Variants in UNC13B observed in about 807,000 individuals in gnomAD.
UNC13B encodes unc-13 homolog B, also known as protein unc-13 homolog B.
A neutral mutation model predicts 211.0 loss-of-function variants in UNC13B; 144 were observed. The ratio of observed to expected loss-of-function variants is 0.68; its 90% CI spans 0.60 to 0.78. The LOEUF is 0.78. Among genes scored for constraint, UNC13B ranks in the 30% least tolerant of loss-of-function variants. The probability of loss-of-function intolerance (pLI) is 0.00; values close to 1 mark genes in which losing one functional copy is unlikely to be tolerated. For synonymous variants in UNC13B, 709 were observed against 725.8 expected (o/e 0.98, Z 0.37); for missense variants, 1,777 against 2,002.0 (o/e 0.89, Z 2.14).
Position 35,381,637 on chromosome 9 carries a change from G to A in UNC13B, c.10573G>A (p.Val3525Met), listed in dbSNP as rs1214492011. ...AGCTCGAGGAGACGATGCCTGGAAG[G>A]TGTACTTTGATGAGACAGCCCAAGA... ...PEARGDDAWKVYFDETAQEIV... is the reference protein window; with the variant it reads ...PEARGDDAWKMYFDETAQEIV... The change falls in exon 20 of 40, where the codon GTG (valine) becomes ATG (methionine). Residue 3525 changes from valine to methionine, a missense_variant. Val to Met is a conservative substitution (Grantham distance 21, BLOSUM62 1). Coordinates refer to ENST00000635942, the MANE Select transcript of UNC13B (RefSeq NM_001371189.2). The A allele has an allele frequency of 1.2e-6, 2 of 1,614,256 alleles. No individual in the cohort carries two copies. The highest frequency in any genetic ancestry group is 1.7e-6 in the Non-Finnish European group (2 of 1,180,036).
intron 11 of UNC13B, chr9:35,364,706 G>T: frequency 9.8e-7 from 1 of 1,025,562 alleles, no homozygotes; most frequent in Non-Finnish European, 1.4e-6. Flanking sequence ...CTGAGCTTTG[G>T]CTCATGCAGT....
intron 1 of UNC13B, among the ~76,000 whole-genome samples, chr9:35,223,724 T>A (rs983676772): frequency 2.6e-5 from 4 of 152,144 alleles, no homozygotes; most frequent in African/African-American, 4.8e-5. Flanking sequence ...GCATTTGAAG[T>A]CTTAGCCATA....
intron 1 of UNC13B, among the ~76,000 whole-genome samples, chr9:35,166,092 TAAATGCA>T (rs1821024375): frequency 6.6e-6 from 1 of 152,060 alleles, no homozygotes; most frequent in African/African-American, 2.4e-5. Context: ...CCAAAAGTAA[TAAATGCA>T]GGCCAGTCGT....
chr9:35,182,270 A>C (rs531844669), intron 1 of UNC13B, among the ~76,000 whole-genome samples: 1 of 151,828 alleles, frequency 6.6e-6, no homozygotes, highest in East Asian at 1.9e-4. Flanking sequence ...ACTTTTTCTC[A>C]TGTTTAACTT....
At position 35,305,640 on chromosome 9, in the gene UNC13B, A is replaced by G. The variant is rs148338890; in HGVS notation, c.6236A>G (p.His2079Arg). ...GAAAAAGAGGTACCATTCAGAGACC[A>G]TCTAATCCAGCAGTCACCTAATTCA... Reference protein sequence around the residue: ...LTEKEVPFRDHLIQQSPNSSF... With the variant: ...LTEKEVPFRDRLIQQSPNSSF... The change falls in exon 9 of 40, where the codon CAT (histidine) becomes CGT (arginine). Residue 2079 changes from histidine to arginine, a missense_variant. Physicochemically the swap from His to Arg is conservative, Grantham distance 29 (BLOSUM62 0). Coordinates refer to ENST00000635942, the MANE Select transcript of UNC13B (RefSeq NM_001371189.2). 2.5e-6 allele frequency: 1 copy of G among 399,046 alleles called. No individual in the cohort carries two copies. The highest frequency in any genetic ancestry group is 2.1e-5 in the African/African-American group (1 of 48,768). The allele number at this position is 399,046 out of a possible 1,614,324, so 24.7% of individuals were successfully genotyped here.
intron 26 of UNC13B, 29 bp from the exon 27 acceptor site, chr9:35,396,447 C>T: frequency 6.2e-7 from 1 of 1,613,576 alleles, no homozygotes; most frequent in Non-Finnish European, 8.5e-7. Context: ...ACTGCTGGGA[C>T]CTGACCCAAC....
intron 1 of UNC13B, among the ~76,000 whole-genome samples, chr9:35,224,116 T>C (rs1236477475): frequency 5.9e-5 from 9 of 152,224 alleles, no homozygotes; most frequent in Non-Finnish European, 1.0e-4. Flanking sequence ...TTGCTCAGCA[T>C]TGCTTTGACT....
chr9:35,363,602 C>G (rs899109537), intron 11 of UNC13B, among the ~76,000 whole-genome samples: 5 of 152,148 alleles, frequency 3.3e-5, no homozygotes, highest in African/African-American at 1.2e-4. Flanking sequence ...CTCCCCTCTA[C>G]TTGTGATGTG....
At chr9:35,381,068 G>C (rs1018328484) in intron 18 of UNC13B, 32 bp from the exon 19 acceptor site, 9 of 1,591,830 alleles carry the variant, frequency 5.7e-6, no homozygotes, top group Non-Finnish European at 6.9e-6. Flanking sequence ...TAGTTGCATT[G>C]GTGTCAATCT....
rs78304930 is a variant in UNC13B at position 35,307,573 on chromosome 9, C to A, written c.8169C>A (p.His2723Gln). 34,472 of 399,022 alleles carry A rather than the reference C, an allele frequency of 0.086. 2,279 individuals carry two copies. Among genetic ancestry groups the A allele is most frequent in the East Asian group, 0.28 (7,911 of 28,050 alleles). 24.7% of individuals were successfully genotyped at this position (399,022 alleles called of 1,614,324 possible). A position where few individuals can be genotyped will look rare whatever the true frequency, so the allele number is the denominator to read the frequency against. The change falls in exon 9 of 40, where the codon CAC becomes CAA. Residue 2723 changes from histidine (H) to glutamine (Q), a missense_variant. By Grantham distance (24) the His-to-Gln change is conservative (BLOSUM62 0). Coordinates refer to ENST00000635942, the MANE Select transcript of UNC13B (RefSeq NM_001371189.2). ...SQSTTLETEGHFSHPLLEDPV... is the reference protein window; with the variant it reads ...SQSTTLETEGQFSHPLLEDPV... Reference sequence around the variant, plus strand: ...GCACCACTCTGGAAACCGAAGGGCACTTTTCTCATCCTCTGCTGGAGGACC... The same window carrying A: ...GCACCACTCTGGAAACCGAAGGGCAATTTTCTCATCCTCTGCTGGAGGACC...
intron 1 of UNC13B, among the ~76,000 whole-genome samples, chr9:35,190,121 T>C (rs1221786268): frequency 6.6e-6 from 1 of 152,236 alleles, no homozygotes; most frequent in Non-Finnish European, 1.5e-5. Context: ...TACTGGATCT[T>C]GGATCCCCCA....
chr9:35,396,798 C>G, intron 27 of UNC13B, 43 bp from the exon 28 acceptor site: 1 of 1,612,258 alleles, frequency 6.2e-7, no homozygotes, highest in South Asian at 1.1e-5. Context: ...TGGCGTATTC[C>G]CACCGCTAGT....
At chr9:35,216,621 A>G (rs1018558498) in intron 1 of UNC13B, among the ~76,000 whole-genome samples, 14 of 152,188 alleles carry the variant, frequency 9.2e-5, no homozygotes, top group South Asian at 2.1e-4. Flanking sequence ...CCATGGAAAG[A>G]CCATGGCTCC....
intron 11 of UNC13B, among the ~76,000 whole-genome samples, chr9:35,335,894 T>TG (rs1831628195): frequency 6.6e-6 from 1 of 152,066 alleles, no homozygotes; most frequent in Non-Finnish European, 1.5e-5. Context: ...CTTGTAGAGA[T>TG]GGGGGTCCCC....
intron 2 of UNC13B, 53 bp downstream of exon 2, chr9:35,228,097 A>C (rs1446440147): frequency 6.8e-7 from 1 of 1,473,564 alleles, no homozygotes; most frequent in Non-Finnish European, 9.2e-7. Context: ...TGTTATTTCA[A>C]AGCAATTTAA....
intron 1 of UNC13B, among the ~76,000 whole-genome samples, chr9:35,207,134 A>T (rs980781022): frequency 3.3e-5 from 5 of 152,154 alleles, no homozygotes. Context: ...GCTCAAAGTT[A>T]CTATTATCTG....
intron 11 of UNC13B, among the ~76,000 whole-genome samples, chr9:35,342,971 C>T (rs1832104452): frequency 6.6e-6 from 1 of 152,206 alleles, no homozygotes; most frequent in Admixed American, 6.5e-5. Context: ...TCATCCCTTT[C>T]ATGTGTGTAT....
At chr9:35,367,560 T>C (rs904979449) in intron 12 of UNC13B, among the ~76,000 whole-genome samples, 8 of 152,206 alleles carry the variant, frequency 5.3e-5, no homozygotes, top group African/African-American at 1.9e-4. Context: ...TGTTGTTGAC[T>C]GTAGTCACCC....
chr9:35,351,335 G>A, intron 11 of UNC13B: 1 of 1,223,628 alleles, frequency 8.2e-7, no homozygotes, highest in Admixed American at 4.3e-5. Flanking sequence ...CATGTGCGAG[G>A]TTTGGAGGCC....
Sources: gnomAD v4.1 joint callset for allele counts (sites outside exome capture counted in the v4.1 genomes callset) on GRCh38, gnomAD v4.1.1 for gene constraint, MANE v1.5 for transcripts, NCBI Gene and HGNC (gene_info 2026-07-23, HGNC 2026-07-21) for gene names.